Variants in FRS2 observed in about 807,000 individuals in gnomAD.
FRS2 encodes FGFR signalling adaptor.
Under a neutral mutation model 43.9 loss-of-function variants are expected in FRS2, and 8 were observed. That is an observed-to-expected ratio of 0.18 (90% CI 0.11 to 0.33). The LOEUF (loss-of-function observed/expected upper bound fraction) is 0.33, where lower values mean the gene tolerates loss of function less well. Among genes scored for constraint, FRS2 ranks in the 10% least tolerant of loss-of-function variants. The pLI, the probability that FRS2 is intolerant of heterozygous loss-of-function variation, is 1.00. For missense variants in FRS2, 534 were observed against 627.6 expected (o/e 0.85, Z 1.59); for synonymous variants, 219 against 220.3 (o/e 0.99, Z 0.05).
chr12:69,538,927 TAC>T (rs1877604279), intron 3 of FRS2, among the ~76,000 whole-genome samples: 1 of 152,180 alleles, frequency 6.6e-6, no homozygotes, highest in Middle Eastern at 3.2e-3. Flanking sequence ...AACATTTAGT[TAC>T]ACAGAGGCCC....
intron 1 of FRS2, among the ~76,000 whole-genome samples, chr12:69,529,988 A>G (rs918529357): frequency 2.0e-5 from 3 of 152,132 alleles, no homozygotes; most frequent in African/African-American, 7.2e-5. Context: ...TGGGAGGCAG[A>G]GGTTGCAGTG....
intron 3 of FRS2, among the ~76,000 whole-genome samples, chr12:69,554,167 G>A (rs1879146831): frequency 6.6e-6 from 1 of 152,082 alleles, no homozygotes; most frequent in Non-Finnish European, 1.5e-5. Flanking sequence ...GACACTTACA[G>A]CTTTTGTTTC....
chr12:69,516,274 A>C (rs1875016045), intron 1 of FRS2, among the ~76,000 whole-genome samples: 1 of 150,932 alleles, frequency 6.6e-6, no homozygotes, highest in Non-Finnish European at 1.5e-5. Flanking sequence ...GCTGGCGTGC[A>C]ATGGCGCGAT....
At chr12:69,562,808 A>G (rs1329271750) in intron 4 of FRS2, among the ~76,000 whole-genome samples, 2 of 151,574 alleles carry the variant, frequency 1.3e-5, no homozygotes, top group Admixed American at 1.3e-4. Flanking sequence ...TCCCACCTCA[A>G]CCTCCCAAGT....
intron 3 of FRS2, among the ~76,000 whole-genome samples, chr12:69,541,871 G>C (rs963214255): frequency 8.6e-5 from 13 of 150,584 alleles, no homozygotes; most frequent in African/African-American, 2.9e-4. Context: ...TTGTAATTCA[G>C]GGGAAGTAGT....
chr12:69,551,138 G>C (rs1878833515), intron 3 of FRS2, among the ~76,000 whole-genome samples: 1 of 152,182 alleles, frequency 6.6e-6, no homozygotes, highest in Admixed American at 6.6e-5. Flanking sequence ...TATTGCCTGA[G>C]GCCGGGAGTT....
chr12:69,552,192 C>T (rs936413255), intron 3 of FRS2, among the ~76,000 whole-genome samples: 1 of 150,108 alleles, frequency 6.7e-6, no homozygotes, highest in Non-Finnish European at 1.5e-5. Context: ...ATCCCAGCTA[C>T]TCGGGAGGCT....
In FRS2 at chr12:69,501,965, G is replaced by GT. The variant is rs773916262; in HGVS notation, c.-260-28892dup. On this transcript the variant is annotated intron_variant, in intron 1 of 8. Transcript: ENST00000549921. Reference sequence around the variant, plus strand: ...AACACCTATCTGTTTTTTTTGTTTTGTTTTTTTTGTTTTTTTGTGAGATGG... The same window carrying GT: ...AACACCTATCTGTTTTTTTTGTTTTGTTTTTTTTTGTTTTTTTGTGAGATGG... 1.7e-3 allele frequency among the ~76,000 whole-genome samples: 237 copies of GT among 140,904 alleles called. 1 individual carries two copies. Among genetic ancestry groups the GT allele is most frequent in the Middle Eastern group, 3.4e-3 (1 of 290 alleles). The allele number at this position is 140,904 out of a possible 152,430, so 92.4% of individuals were successfully genotyped here.
intron 1 of FRS2, among the ~76,000 whole-genome samples, chr12:69,515,514 G>T (rs921472271): frequency 2.5e-4 from 38 of 152,130 alleles, no homozygotes; most frequent in African/African-American, 8.9e-4. Flanking sequence ...AAAGGAGAGG[G>T]GATATAGAGT....
intron 8 of FRS2, 67 bp from the exon 9 acceptor site, chr12:69,573,937 TG>T: frequency 1.0e-6 from 1 of 974,470 alleles, no homozygotes; most frequent in Non-Finnish European, 1.5e-6. Context: ...TTAACTGATG[TG>T]GTCAGGCTTT....
At chr12:69,512,774 G>A (rs1235721995) in intron 1 of FRS2, among the ~76,000 whole-genome samples, 1 of 152,120 alleles carries the variant, frequency 6.6e-6, no homozygotes, top group Non-Finnish European at 1.5e-5. Flanking sequence ...CACTTTCCTT[G>A]ATGGCTTTTT....
At chr12:69,490,119 T>TA (rs1338573183) in intron 1 of FRS2, among the ~76,000 whole-genome samples, 1 of 152,178 alleles carries the variant, frequency 6.6e-6, no homozygotes, top group African/African-American at 2.4e-5. Flanking sequence ...CTCTTTATGT[T>TA]ACCGTTATGT....
intron 3 of FRS2, among the ~76,000 whole-genome samples, chr12:69,550,153 C>G (rs934270491): frequency 2.0e-5 from 3 of 152,172 alleles, no homozygotes; most frequent in African/African-American, 7.2e-5. Context: ...TGTGTCCTTC[C>G]TATGTTCCCT....
intron 4 of FRS2, among the ~76,000 whole-genome samples, chr12:69,566,932 G>A (rs773129995): frequency 2.0e-5 from 3 of 152,130 alleles, no homozygotes; most frequent in African/African-American, 7.2e-5. Flanking sequence ...CATACTGAAC[G>A]CCTCACTTTC....
At chr12:69,563,596 T>G (rs1880041996) in intron 4 of FRS2, among the ~76,000 whole-genome samples, 2 of 152,222 alleles carry the variant, frequency 1.3e-5, no homozygotes, top group African/African-American at 2.4e-5. Context: ...TCCTGTGGAC[T>G]GCTGAGCACT....
In FRS2 at chr12:69,508,024, C is replaced by CAA. The variant is rs11365179; in HGVS notation, c.-260-22812_-260-22811dup. ...GGGCAACAAGAGCGAAACCCCGTCTCAAAAAAAAAAAAAAAAAAAAAAAAA... is the reference window on the plus strand; with the variant it reads ...GGGCAACAAGAGCGAAACCCCGTCTCAAAAAAAAAAAAAAAAAAAAAAAAAAA... On this transcript the variant is annotated intron_variant, in intron 1 of 8. Transcript: ENST00000549921. Among the ~76,000 whole-genome samples, 228 of 47,584 alleles carry CAA rather than the reference C, an allele frequency of 4.8e-3. 6 individuals carry two copies. The highest frequency in any genetic ancestry group is 0.011 in the African/African-American group (154 of 13,800). The allele number at this position is 47,584 out of a possible 152,430, so 31.2% of individuals were successfully genotyped here.
intron 1 of FRS2, chr12:69,480,151 C>T (rs949809213): frequency 6.6e-6 from 1 of 152,156 alleles, no homozygotes; most frequent in African/African-American, 2.4e-5. Context: ...TACCATTTAA[C>T]CATTTTTAAG....
intron 3 of FRS2, among the ~76,000 whole-genome samples, chr12:69,548,206 C>G (rs745408922): frequency 6.6e-6 from 1 of 152,086 alleles, no homozygotes; most frequent in Non-Finnish European, 1.5e-5. Flanking sequence ...TGATAAAAGA[C>G]TAGAGCAGGA....
At chr12:69,494,781 T>C (rs952539343) in intron 1 of FRS2, among the ~76,000 whole-genome samples, 5 of 152,156 alleles carry the variant, frequency 3.3e-5, no homozygotes, top group Non-Finnish European at 7.3e-5. Context: ...TTTTGTTTTG[T>C]TTTGTTTTCG....
Sources: gnomAD v4.1 joint callset for allele counts (sites outside exome capture counted in the v4.1 genomes callset) on GRCh38, gnomAD v4.1.1 for gene constraint, MANE v1.5 for transcripts, NCBI Gene and HGNC (gene_info 2026-07-23, HGNC 2026-07-21) for gene names.